The following FOXO3 variants were observed in gnomAD, a reference collection of about 807,000 sequenced individuals.
FOXO3 encodes forkhead box protein O3.
In FOXO3, 4 loss-of-function variants were observed where a neutral mutation model predicts 41.9. The observed-to-expected ratio is 0.10, with a 90% CI of 0.05 to 0.22. The LOEUF is 0.22. FOXO3 is among the 10% of genes least tolerant of loss of function. The probability of loss-of-function intolerance (pLI) is 1.00; values close to 1 mark genes in which losing one functional copy is unlikely to be tolerated. For synonymous variants in FOXO3, 318 were observed against 389.3 expected (o/e 0.82, Z 2.16); for missense variants, 534 against 906.8 (o/e 0.59, Z 5.28).
At chr6:108,627,113 C>T (rs1777832394) in intron 1 of FOXO3, among the ~76,000 whole-genome samples, 1 of 152,212 alleles carries the variant, frequency 6.6e-6, no homozygotes, top group South Asian at 2.1e-4. Flanking sequence ...TGAGTTTGCT[C>T]TCCAGTGGCT....
intron 1 of FOXO3, among the ~76,000 whole-genome samples, chr6:108,600,311 G>A (rs1011192018): frequency 7.2e-5 from 11 of 151,942 alleles, no homozygotes; most frequent in African/African-American, 2.4e-4. Context: ...TTAGGAGGCC[G>A]AGGCAAGGCG....
At chr6:108,619,990 T>C (rs189890741) in intron 1 of FOXO3, among the ~76,000 whole-genome samples, 1 of 152,324 alleles carries the variant, frequency 6.6e-6, no homozygotes, top group East Asian at 1.9e-4. Flanking sequence ...CCTTACAGGT[T>C]AAATTCAAAG....
intron 1 of FOXO3, among the ~76,000 whole-genome samples, chr6:108,651,801 T>TA (rs1242905820): frequency 1.3e-5 from 2 of 152,188 alleles, no homozygotes; most frequent in African/African-American, 4.8e-5. Context: ...TATGTAACCT[T>TA]AAAGCAGTTT....
rs377005056 is a variant in FOXO3, at chr6:108,637,662, G to A, written c.622-25793G>A. Among the ~76,000 whole-genome samples the A allele has an allele frequency of 8.6e-5, 13 of 151,694 alleles. No individual in the cohort carries two copies. In the East Asian group the frequency reaches 2.3e-3, roughly 27 times the overall value. On this transcript the variant is annotated intron_variant, in intron 1 of 2. Transcript: ENST00000406360. ...TTTCCTTAGTGTCTGTCTTTCCCCC[G>A]GATGTTTTCTCCCTGCCTCAGAGTC...
At chr6:108,643,824 G>A (rs894424380) in intron 1 of FOXO3, among the ~76,000 whole-genome samples, 5 of 152,140 alleles carry the variant, frequency 3.3e-5, no homozygotes, top group African/African-American at 1.2e-4. Flanking sequence ...GTTCAGCTGT[G>A]TTTGCCCCTC....
In FOXO3 at chr6:108,681,158, C is replaced by T. The variant is rs929542638; in HGVS notation, c.*1366C>T. The T allele has an allele frequency of 6.6e-6, 1 of 152,546 alleles. No homozygotes were observed. Among genetic ancestry groups the T allele is most frequent in the Non-Finnish European group, 1.5e-5 (1 of 68,020 alleles). The allele number at this position is 152,546 out of a possible 1,614,324, so 9.4% of individuals were successfully genotyped here. A position where few individuals can be genotyped will look rare whatever the true frequency, so the allele number is the denominator to read the frequency against. ...CTGGAAAGTGTGATTATATTCGTTA[C>T]CTTCTTTGGTAGACGGAATAGTTGG... On this transcript the variant is annotated 3_prime_UTR_variant, in exon 3 of 3. Transcript: ENST00000406360.
intron 1 of FOXO3, among the ~76,000 whole-genome samples, chr6:108,638,802 T>C (rs1338449046): frequency 6.6e-6 from 1 of 152,230 alleles, no homozygotes; most frequent in African/African-American, 2.4e-5. Flanking sequence ...TAGAGCTGTT[T>C]TAAGACGATT....
intron 1 of FOXO3, among the ~76,000 whole-genome samples, chr6:108,612,604 C>G (rs368629753): frequency 6.6e-6 from 1 of 151,830 alleles, no homozygotes; most frequent in East Asian, 1.9e-4. Flanking sequence ...TGCTTGAACC[C>G]GGGAGGCAGA....
intron 2 of FOXO3, among the ~76,000 whole-genome samples, chr6:108,677,105 A>G (rs1582843263): frequency 6.6e-6 from 1 of 152,212 alleles, no homozygotes; most frequent in East Asian, 1.9e-4. Flanking sequence ...TATAAGCACC[A>G]AGGTGGTTTC....
At chr6:108,580,648 T>C (rs564306502) in intron 1 of FOXO3, among the ~76,000 whole-genome samples, 1 of 152,342 alleles carries the variant, frequency 6.6e-6, no homozygotes, top group African/African-American at 2.4e-5. Flanking sequence ...GCTTCAGGGA[T>C]CTTGATTTTG....
intron 1 of FOXO3, among the ~76,000 whole-genome samples, chr6:108,612,323 T>G (rs1777386151): frequency 6.6e-6 from 1 of 152,200 alleles, no homozygotes; most frequent in African/African-American, 2.4e-5. Flanking sequence ...ACTCATGTAT[T>G]AGTTGTAATA....
chr6:108,584,463 G>A, intron 1 of FOXO3, among the ~76,000 whole-genome samples: 1 of 152,170 alleles, frequency 6.6e-6, no homozygotes, highest in Non-Finnish European at 1.5e-5. Flanking sequence ...CTGCATGATG[G>A]ATTGCAGGTT....
At position 108,576,598 on chromosome 6, in the gene FOXO3, A is replaced by C. The variant is rs138142648; in HGVS notation, c.621+14769A>C. On this transcript the variant is annotated intron_variant, in intron 1 of 2. Coordinates refer to ENST00000406360, the MANE Select transcript of FOXO3 (RefSeq NM_001455.4). ...GTTTCAATCAAAAATTACAATTCTC[A>C]TTTTTAAGATGCAGCTTTATCCACA... is the stretch of plus-strand genomic sequence containing the variant. 6.2e-4 allele frequency among the ~76,000 whole-genome samples: 94 copies of C among 152,340 alleles called. 1 individual carries two copies. In the East Asian group the frequency reaches 0.015, roughly 25 times the overall value.
chr6:108,676,643 AT>A (rs1462159241), intron 2 of FOXO3, among the ~76,000 whole-genome samples: 7 of 152,240 alleles, frequency 4.6e-5, no homozygotes, highest in African/African-American at 1.7e-4. Context: ...ACTTTAAACT[AT>A]TTAAGAATGA....
chr6:108,651,126 A>G (rs536949070), intron 1 of FOXO3, among the ~76,000 whole-genome samples: 89 of 152,356 alleles, frequency 5.8e-4, no homozygotes, highest in African/African-American at 2.1e-3. Flanking sequence ...TATTAGCCCA[A>G]GTCATTTTAC....
At chr6:108,678,006 A>G (rs1231276790) in intron 2 of FOXO3, among the ~76,000 whole-genome samples, 1 of 152,200 alleles carries the variant, frequency 6.6e-6, no homozygotes, top group South Asian at 2.1e-4. Context: ...TTCTTTTTAT[A>G]CTTTATTGTC....
intron 1 of FOXO3, among the ~76,000 whole-genome samples, chr6:108,570,916 T>C (rs979988631): frequency 6.6e-6 from 1 of 152,228 alleles, no homozygotes; most frequent in African/African-American, 2.4e-5. Flanking sequence ...CCTGGTCTTC[T>C]AAGACCCATG....
intron 1 of FOXO3, among the ~76,000 whole-genome samples, chr6:108,630,019 G>C (rs181060940): frequency 2.0e-5 from 3 of 152,312 alleles, no homozygotes; most frequent in African/African-American, 7.2e-5. Flanking sequence ...TTTTAAACAT[G>C]ACCAGTTCTT....
At position 108,635,521 on chromosome 6, in the gene FOXO3, TTTTG is replaced by T. The variant is rs567532629; in HGVS notation, c.622-27926_622-27923del. 2.1e-3 allele frequency among the ~76,000 whole-genome samples: 314 copies of T among 152,338 alleles called. 3 individuals carry two copies. The highest frequency in any genetic ancestry group is 6.3e-3 in the African/African-American group (260 of 41,576). ...CAGGTGTTTGTTATATTCTGTGTAA[TTTTG>T]TTTGTTTTAAATGTGTCACAAAAAG... On this transcript the variant is annotated intron_variant, in intron 1 of 2. Coordinates refer to ENST00000406360, the MANE Select transcript of FOXO3 (RefSeq NM_001455.4).
Sources: allele counts gnomAD v4.1 joint callset (sites outside exome capture counted in the v4.1 genomes callset), GRCh38; gene constraint gnomAD v4.1.1; transcripts MANE v1.5; gene names NCBI Gene and HGNC (gene_info 2026-07-23, HGNC 2026-07-21).